The following UBASH3B variants were observed in gnomAD, a reference collection of about 807,000 sequenced individuals.
UBASH3B encodes the protein ubiquitin-associated and SH3 domain-containing protein B.
In UBASH3B, 37 loss-of-function variants were observed where a neutral mutation model predicts 83.4. That is an observed-to-expected ratio of 0.44 (90% CI 0.34 to 0.58). The LOEUF (loss-of-function observed/expected upper bound fraction) is 0.58, where lower values mean the gene tolerates loss of function less well. Among genes scored for constraint, UBASH3B ranks in the 20% least tolerant of loss-of-function variants. UBASH3B has a pLI of 0.01. For missense variants in UBASH3B, 657 were observed against 827.2 expected, an observed-to-expected ratio of 0.79 and a Z score of 2.52; for synonymous variants, 304 against 318.3, an observed-to-expected ratio of 0.96 and a Z score of 0.48.
intron 1 of UBASH3B, among the ~76,000 whole-genome samples, chr11:122,657,375 G>A (rs1235915485): frequency 1.3e-5 from 2 of 151,790 alleles, no homozygotes; most frequent in African/African-American, 2.4e-5. Context: ...TGTAACTTCC[G>A]CCTCCCAGGT....
chr11:122,671,668 G>A (rs10892877), intron 1 of UBASH3B, among the ~76,000 whole-genome samples: 36,483 of 152,142 alleles, frequency 0.24, 4,603 homozygotes, highest in Non-Finnish European at 0.27. Context: ...GTCTTGTTCC[G>A]GCCTGTGGCT....
intron 1 of UBASH3B, among the ~76,000 whole-genome samples, chr11:122,745,653 T>C (rs1305944922): frequency 6.6e-6 from 1 of 152,198 alleles, no homozygotes; most frequent in African/African-American, 2.4e-5. Context: ...ACAAAAATTT[T>C]CCCTTAGTGA....
intron 1 of UBASH3B, among the ~76,000 whole-genome samples, chr11:122,723,717 G>A (rs1860681629): frequency 6.6e-6 from 1 of 152,188 alleles, no homozygotes. Context: ...ATGGGCCGGT[G>A]GCTTAGAGAG....
At chr11:122,696,404 G>A (rs532874283) in intron 1 of UBASH3B, among the ~76,000 whole-genome samples, 31 of 146,126 alleles carry the variant, frequency 2.1e-4, no homozygotes, top group African/African-American at 6.0e-4. Flanking sequence ...TCTGCCTCCC[G>A]GGTTCAAGCG....
At chr11:122,679,672 C>G (rs900138187) in intron 1 of UBASH3B, among the ~76,000 whole-genome samples, 6 of 152,192 alleles carry the variant, frequency 3.9e-5, no homozygotes, top group Admixed American at 6.5e-5. Context: ...ATGGTGGCTA[C>G]TCAGCTCTGC....
chr11:122,773,127 T>G (rs567676858), intron 1 of UBASH3B, among the ~76,000 whole-genome samples: 1 of 152,326 alleles, frequency 6.6e-6, no homozygotes, highest in African/African-American at 2.4e-5. Flanking sequence ...ACCCGGAGGA[T>G]AGCAGATGCG....
At chr11:122,683,498 C>T in intron 1 of UBASH3B, among the ~76,000 whole-genome samples, 1 of 151,102 alleles carries the variant, frequency 6.6e-6, no homozygotes, top group Non-Finnish European at 1.5e-5. Flanking sequence ...GCCTGTAATC[C>T]CAGCTACTTG....
chr11:122,736,623 G>C (rs1282464681), intron 1 of UBASH3B, among the ~76,000 whole-genome samples: 1 of 152,048 alleles, frequency 6.6e-6, no homozygotes, highest in African/African-American at 2.4e-5. Context: ...ACTACACTTA[G>C]CACTGAGATC....
rs531430938 is a variant in UBASH3B at position 122,663,268 on chromosome 11, C to T, written c.161+7058C>T. The stretch of plus-strand genomic sequence containing the variant: ...CTGGGATTACAGGCATAAGCCACCG[C>T]GCCTGGCCTTACGCCAGAATTTCTA... On this transcript the variant is annotated intron_variant, in intron 1 of 13. Transcript: ENST00000284273. 1.7e-4 allele frequency among the ~76,000 whole-genome samples: 26 copies of T among 152,330 alleles called. No homozygotes were observed. The South Asian group carries it at 4.3e-3, about 25-fold the overall frequency.
At chr11:122,805,987 G>C (rs1861334471) in intron 11 of UBASH3B, among the ~76,000 whole-genome samples, 1 of 152,206 alleles carries the variant, frequency 6.6e-6, no homozygotes, top group South Asian at 2.1e-4. Context: ...CAAAGAATCA[G>C]ATGGACCTAA....
chr11:122,773,866 G>T (rs1438177212), intron 1 of UBASH3B: 1 of 506,028 alleles, frequency 2.0e-6, no homozygotes, highest in Non-Finnish European at 2.6e-6. Context: ...TTTCATTGGG[G>T]GAAGGGTGTA....
chr11:122,675,448 G>C (rs1317964759), intron 1 of UBASH3B, among the ~76,000 whole-genome samples: 1 of 152,218 alleles, frequency 6.6e-6, no homozygotes, highest in African/African-American at 2.4e-5. Flanking sequence ...GTGGGGATTT[G>C]GAGAGGAATT....
intron 1 of UBASH3B, among the ~76,000 whole-genome samples, chr11:122,723,774 T>G (rs1860682832): frequency 6.6e-6 from 1 of 152,228 alleles, no homozygotes; most frequent in Admixed American, 6.5e-5. Context: ...GTTTTGGAGC[T>G]AGATCATCAT....
rs1196472493 is a variant in UBASH3B at position 122,813,912 on chromosome 11, T to A, written c.*4026T>A. ...AATGCAGATGAAATAACTTCATTTT[T>A]AAGTACAAATAATAGTAGGATTGGT... On this transcript the variant is annotated 3_prime_UTR_variant, in exon 14 of 14. Transcript: ENST00000284273. 6.6e-6 allele frequency: 1 copy of A among 152,246 alleles called. No individual in the cohort carries two copies. Among genetic ancestry groups the A allele is most frequent in the Non-Finnish European group, 1.5e-5 (1 of 68,032 alleles). 9.4% of individuals were successfully genotyped at this position (152,246 alleles called of 1,614,324 possible).
intron 1 of UBASH3B, among the ~76,000 whole-genome samples, chr11:122,706,255 A>G (rs1341576394): frequency 6.6e-6 from 1 of 151,838 alleles, no homozygotes; most frequent in Non-Finnish European, 1.5e-5. Context: ...AGCTGGGATT[A>G]CAGGCATGCG....
intron 1 of UBASH3B, among the ~76,000 whole-genome samples, chr11:122,674,831 C>T (rs1277553994): frequency 2.0e-5 from 3 of 149,608 alleles, no homozygotes; most frequent in African/African-American, 4.9e-5. Flanking sequence ...TGGGTTCAAG[C>T]GATTCTCCTG....
Position 122,799,705 on chromosome 11 carries a change from G to C in UBASH3B, c.1450+671G>C, listed in dbSNP as rs527629118. On this transcript the variant is annotated intron_variant, in intron 10 of 13. Coordinates refer to ENST00000284273, the MANE Select transcript of UBASH3B (RefSeq NM_032873.5). Reference sequence around the variant, plus strand: ...TTGACAGCAGCAAGGGTGCTCTTAGGAGCCTCAAATCTTAATCATCATTTT... The same window carrying C: ...TTGACAGCAGCAAGGGTGCTCTTAGCAGCCTCAAATCTTAATCATCATTTT... 8.5e-5 allele frequency among the ~76,000 whole-genome samples: 13 copies of C among 152,260 alleles called. No individual in the cohort carries two copies. The East Asian group carries it at 1.5e-3, about 18-fold the overall frequency.
chr11:122,784,814 A>G (rs930189083), intron 5 of UBASH3B, among the ~76,000 whole-genome samples: 6 of 152,078 alleles, frequency 3.9e-5, no homozygotes, highest in Non-Finnish European at 8.8e-5. Context: ...GACTCTGCTG[A>G]TGGGAACGTG....
intron 1 of UBASH3B, among the ~76,000 whole-genome samples, chr11:122,749,843 G>C (rs1048836527): frequency 1.4e-4 from 21 of 152,048 alleles, no homozygotes; most frequent in African/African-American, 5.1e-4. Flanking sequence ...AGCTATTCTC[G>C]TGCCTCAGCT....
Sources: allele counts gnomAD v4.1 joint callset (sites outside exome capture counted in the v4.1 genomes callset), GRCh38; gene constraint gnomAD v4.1.1; transcripts MANE v1.5; gene names NCBI Gene and HGNC (gene_info 2026-07-23, HGNC 2026-07-21).